The following IGDCC3 variants were observed in gnomAD, a reference collection of about 807,000 sequenced individuals.
IGDCC3 encodes immunoglobulin superfamily DCC subclass member 3.
Under a neutral mutation model 72.0 loss-of-function variants are expected in IGDCC3, and 47 were observed. That is an observed-to-expected ratio of 0.65 (90% confidence interval 0.52 to 0.83). IGDCC3 has a LOEUF of 0.83. Ranked by LOEUF, IGDCC3 falls within the 40% of genes least tolerant of loss-of-function variation. The pLI, the probability that IGDCC3 is intolerant of heterozygous loss-of-function variation, is 0.00. For synonymous variants in IGDCC3, 477 were observed against 472.8 expected (o/e 1.01, Z -0.11); for missense variants, 1,038 against 1,091.3 (o/e 0.95, Z 0.69).
Position 65,339,112 on chromosome 15 carries a change from T to A in IGDCC3, c.410-3156A>T, listed in dbSNP as rs1049393920. Among the ~76,000 whole-genome samples, 3 of 152,044 alleles carry A rather than the reference T, an allele frequency of 2.0e-5. No individual in the cohort carries two copies. The highest frequency in any genetic ancestry group is 4.4e-5 in the Non-Finnish European group (3 of 68,004). Reference sequence around the variant, plus strand: ...TCTTTTTCTTTTTGAGACGGAATCTTGCTCTGTCACCCAGGCTGGAGTGCA... The same window carrying A: ...TCTTTTTCTTTTTGAGACGGAATCTAGCTCTGTCACCCAGGCTGGAGTGCA... On this transcript the variant is annotated intron_variant, in intron 2 of 13. Transcript: ENST00000327987. The surrounding 1 kb of genome is among the most constrained non-coding windows in gnomAD (Gnocchi z 4.1).
chr15:65,348,493 G>A (rs1177684295), intron 2 of IGDCC3, among the ~76,000 whole-genome samples: 5 of 152,280 alleles, frequency 3.3e-5, no homozygotes, highest in South Asian at 2.1e-4. Flanking sequence ...GGACGATACC[G>A]AGGAGACACC....
chr15:65,360,784 CT>C (rs1188340733), intron 2 of IGDCC3, among the ~76,000 whole-genome samples: 1 of 152,162 alleles, frequency 6.6e-6, no homozygotes, highest in East Asian at 1.9e-4. Flanking sequence ...TCTTTCTTTT[CT>C]TTTTTTCTGA....
rs1247949963 is a variant in IGDCC3, at chr15:65,339,046, G to A, written c.410-3090C>T. 6.6e-6 allele frequency among the ~76,000 whole-genome samples: 1 copy of A among 151,930 alleles called. No individual in the cohort carries two copies. Among genetic ancestry groups the A allele is most frequent in the African/African-American group, 2.4e-5 (1 of 41,354 alleles). On this transcript the variant is annotated intron_variant, in intron 2 of 13. Transcript: ENST00000327987. The surrounding 1 kb of genome is among the most constrained non-coding windows in gnomAD (Gnocchi z 4.1). ...GCCTCCTGAGGAGCTGGGACCACAA[G>A]CGCGCACCACCACGCCCAGCTAATT...
In IGDCC3 at chr15:65,328,917, C is replaced by G. The variant is rs372840863; in HGVS notation, c.2437G>C (p.Glu813Gln). 7.9e-5 allele frequency: 121 copies of G among 1,539,612 alleles called. No individual in the cohort carries two copies. The highest frequency in any genetic ancestry group is 1.0e-4 in the Non-Finnish European group (120 of 1,147,096). ...AGCCTGCCAGACACTGGCTACTGTT[C>G]CGAGTGAGCTGGCTGGGTAACCCGG... ...AARVTQPAHS[E>Q]Q The change falls in exon 14 of 14, where the codon GAA becomes CAA. Residue 813 changes from glutamate to glutamine, a missense_variant. Physicochemically the swap from Glu to Gln is conservative, Grantham distance 29 (BLOSUM62 2). Coordinates refer to ENST00000327987, the MANE Select transcript of IGDCC3 (RefSeq NM_004884.4).
chr15:65,357,401 A>G (rs910581255), intron 2 of IGDCC3, among the ~76,000 whole-genome samples: 4 of 152,246 alleles, frequency 2.6e-5, no homozygotes, highest in African/African-American at 9.6e-5. Context: ...TATTTGACAC[A>G]TATCACAGAG....
At chr15:65,345,638 C>T (rs1196368003) in intron 2 of IGDCC3, among the ~76,000 whole-genome samples, 1 of 151,158 alleles carries the variant, frequency 6.6e-6, no homozygotes, top group African/African-American at 2.4e-5. Context: ...AGAAAGAAAG[C>T]AAAGCAAAGA....
intron 2 of IGDCC3, among the ~76,000 whole-genome samples, chr15:65,363,649 AC>A (rs1555432109): frequency 7.4e-6 from 1 of 135,406 alleles, no homozygotes; most frequent in Non-Finnish European, 1.5e-5. Context: ...CCTGCTGCCC[AC>A]CCCCGCCACC....
intron 2 of IGDCC3, among the ~76,000 whole-genome samples, chr15:65,361,012 A>G (rs1374652548): frequency 1.3e-5 from 2 of 152,092 alleles, no homozygotes; most frequent in East Asian, 1.9e-4. Context: ...CCTGACTCAA[A>G]TGATACACCT....
At chr15:65,345,625 A>T (rs2091119068) in intron 2 of IGDCC3, among the ~76,000 whole-genome samples, 1 of 152,130 alleles carries the variant, frequency 6.6e-6, no homozygotes, top group Non-Finnish European at 1.5e-5. Flanking sequence ...AATAAATAAG[A>T]AAAGAAAGAA....
At chr15:65,343,427 GGCGA>G (rs1275244731) in intron 2 of IGDCC3, among the ~76,000 whole-genome samples, 2 of 151,366 alleles carry the variant, frequency 1.3e-5, no homozygotes, top group African/African-American at 4.9e-5. Context: ...GTGTTGCGGG[GGCGA>G]GCAGCAGGGT....
chr15:65,335,411 G>C lies in IGDCC3; in HGVS notation c.565C>G (p.Leu189Val), dbSNP rs988424258. 7 of 1,611,158 alleles carry C rather than the reference G, an allele frequency of 4.3e-6. No homozygotes were observed. Among genetic ancestry groups the C allele is most frequent in the Non-Finnish European group, 5.1e-6 (6 of 1,178,682 alleles). ...GTGATCTGCAGGACCCCCTTGGGCA[G>C]CAATGTGTACCTGTTGAGGGGAGGG... ...IDTDNERYTL[L>V]PKGVLQITGL... Residue 189 changes from leucine to valine, a missense_variant, in exon 4 of 14, where the codon CTG (leucine) becomes GTG (valine). By Grantham distance (32) the Leu-to-Val change is conservative (BLOSUM62 1). Transcript: ENST00000327987.
rs2091266021 is a variant in IGDCC3 at position 65,362,125 on chromosome 15, C to CAG, written c.409+12971_409+12972insCT. ...AAGTGGTACAGAGGGAGCTGGGGGG[C>CAG]CTGGAGGGAGGCAGAGGAGGAATTG... On this transcript the variant is annotated intron_variant, in intron 2 of 13. Coordinates refer to ENST00000327987, the MANE Select transcript of IGDCC3 (RefSeq NM_004884.4). Among the ~76,000 whole-genome samples, 3 of 148,436 alleles carry CAG rather than the reference C, an allele frequency of 2.0e-5. No homozygotes were observed. In the East Asian group the frequency reaches 5.9e-4, roughly 29 times the overall value.
chr15:65,343,650 T>A (rs1212231900), intron 2 of IGDCC3, among the ~76,000 whole-genome samples: 1 of 152,202 alleles, frequency 6.6e-6, no homozygotes, highest in Non-Finnish European at 1.5e-5. Flanking sequence ...AAACACCTGC[T>A]GAACTCAGGC....
Position 65,331,451 on chromosome 15 carries a change from C to T in IGDCC3, c.1357G>A (p.Glu453Lys), listed in dbSNP as rs2090977397. The stretch of plus-strand genomic sequence containing the variant: ...ATGTGCAGGACGTAGCCGATGATCT[C>T]CTTGGTGTTGGCCAGCGGCTCACTC... Reference protein sequence around the residue: ...SWSEPLANTKEIIGYVLHIRK... With the variant: ...SWSEPLANTKKIIGYVLHIRK... The change falls in exon 8 of 14, where the codon GAG becomes AAG. Residue 453 changes from glutamate (E) to lysine (K), a missense_variant. By Grantham distance (56) the Glu-to-Lys change is moderately conservative. Coordinates refer to ENST00000327987, the MANE Select transcript of IGDCC3 (RefSeq NM_004884.4). 6.2e-7 allele frequency: 1 copy of T among 1,612,588 alleles called. No homozygotes were observed. Among genetic ancestry groups the T allele is most frequent in the Non-Finnish European group, 8.5e-7 (1 of 1,179,374 alleles).
intron 2 of IGDCC3, among the ~76,000 whole-genome samples, chr15:65,370,643 T>C (rs2091320568): frequency 7.0e-6 from 1 of 143,124 alleles, no homozygotes; most frequent in South Asian, 2.1e-4. Flanking sequence ...TATATATATA[T>C]ATATAAAATT....
rs377718327 is a variant in IGDCC3 at position 65,358,591 on chromosome 15, G to A, written c.409+16506C>T. 8.5e-5 allele frequency among the ~76,000 whole-genome samples: 13 copies of A among 152,260 alleles called. 1 individual carries two copies. The highest frequency in any genetic ancestry group is 3.1e-4 in the African/African-American group (13 of 41,544). ...TCAGATAAATTATATTTTGAGAAAT[G>A]GCACATTCAAAAAGCAAGAGGAGCC... On this transcript the variant is annotated intron_variant, in intron 2 of 13. Transcript: ENST00000327987.
At position 65,329,655 on chromosome 15, in the gene IGDCC3, C is replaced by G. The variant is rs1425612033; in HGVS notation, c.1998-58G>C. 1 of 1,610,084 alleles carries G rather than the reference C, an allele frequency of 6.2e-7. No individual in the cohort carries two copies. Among genetic ancestry groups the G allele is most frequent in the African/African-American group, 1.3e-5 (1 of 74,822 alleles). ...AGAGAAAAGAGACAGAGGCAGTGAG[C>G]CCACACTCACCTTCTCTAGGCCTAG... On this transcript the variant is annotated intron_variant, in intron 12 of 13. Coordinates refer to ENST00000327987, the MANE Select transcript of IGDCC3 (RefSeq NM_004884.4). This position sits in a 1 kb window ranked among gnomAD's most constrained non-coding sequence, Gnocchi z 4.1.
At chr15:65,352,704 G>C (rs530737912) in intron 2 of IGDCC3, among the ~76,000 whole-genome samples, 1 of 152,292 alleles carries the variant, frequency 6.6e-6, no homozygotes, top group East Asian at 1.9e-4. Flanking sequence ...TTCCATCAAA[G>C]CCAATTTTAA....
intron 6 of IGDCC3, 85 bp downstream of exon 6, chr15:65,333,172 C>T (rs1419178508): frequency 7.4e-6 from 10 of 1,348,112 alleles, no homozygotes; most frequent in Non-Finnish European, 8.9e-6. Context: ...TGGGGTGGGA[C>T]AGGGCCCTGG....
Sources: gnomAD v4.1 joint callset for allele counts (sites outside exome capture counted in the v4.1 genomes callset) on GRCh38, gnomAD v4.1.1 for gene constraint, Gnocchi (gnomAD v3.1) non-coding constraint, MANE v1.5 for transcripts, NCBI Gene and HGNC (gene_info 2026-07-23, HGNC 2026-07-21) for gene names.